The following SULF2 variants were observed in gnomAD, a reference collection of about 807,000 sequenced individuals.
The protein encoded by SULF2 is extracellular sulfatase Sulf-2.
In SULF2, 52 loss-of-function variants were observed where a neutral mutation model predicts 107.7. The observed-to-expected ratio is 0.48, with a 90% CI of 0.39 to 0.61. The LOEUF (loss-of-function observed/expected upper bound fraction) is 0.61, where lower values mean the gene tolerates loss of function less well. Ranked by LOEUF, SULF2 falls within the 20% of genes least tolerant of loss-of-function variation. The pLI, the probability that SULF2 is intolerant of heterozygous loss-of-function variation, is 0.00. For missense variants in SULF2, 993 were observed against 1,177.3 expected, an observed-to-expected ratio of 0.84 and a Z score of 2.29; for synonymous variants, 460 against 464.3, an observed-to-expected ratio of 0.99 and a Z score of 0.12.
chr20:47,783,309 A>C (rs2122754969), intron 1 of SULF2, among the ~76,000 whole-genome samples: 1 of 152,382 alleles, frequency 6.6e-6, no homozygotes, highest in East Asian at 1.9e-4. Flanking sequence ...AGGTCAGATA[A>C]TGGCCAAAGC....
At chr20:47,684,887 G>A in intron 5 of SULF2, 1 of 270,208 alleles carries the variant, frequency 3.7e-6, no homozygotes, top group African/African-American at 2.2e-5. Context: ...AGTCTGTTTG[G>A]TGCTAGTGTT....
At position 47,666,519 on chromosome 20, in the gene SULF2, G is replaced by T; in HGVS notation, c.1577-31C>A. On this transcript the variant is annotated intron_variant, in intron 11 of 20. Transcript: ENST00000688720. This position sits in a 1 kb window ranked among gnomAD's most constrained non-coding sequence, Gnocchi z 5.4. ...GGCATTAGAGGAGTGGCAGAGTTAG[G>T]GAGGCAGGAAAGGCTGGCCAGGCTC... 1 of 1,580,816 alleles carries T rather than the reference G, an allele frequency of 6.3e-7. No homozygotes were observed. The highest frequency in any genetic ancestry group is 1.1e-5 in the South Asian group (1 of 89,826).
intron 11 of SULF2, among the ~76,000 whole-genome samples, chr20:47,669,000 T>C (rs1222734856): frequency 2.6e-5 from 4 of 152,184 alleles, no homozygotes; most frequent in African/African-American, 9.7e-5. Context: ...TAAATGTCCA[T>C]TGAGCGCCAT....
At chr20:47,742,809 C>T (rs993492690) in intron 2 of SULF2, among the ~76,000 whole-genome samples, 2 of 152,022 alleles carry the variant, frequency 1.3e-5, no homozygotes, top group East Asian at 1.9e-4. Context: ...CAGATGACGA[C>T]GTTGCCAGTG....
chr20:47,731,797 A>G (rs1373658507), intron 3 of SULF2, among the ~76,000 whole-genome samples: 2 of 152,236 alleles, frequency 1.3e-5, no homozygotes, highest in African/African-American at 2.4e-5. Flanking sequence ...CTGCTGGCGC[A>G]TATGATTTCC....
intron 3 of SULF2, among the ~76,000 whole-genome samples, chr20:47,705,069 G>A (rs1286535363): frequency 2.0e-5 from 3 of 152,194 alleles, no homozygotes; most frequent in East Asian, 1.9e-4. Context: ...GAACCCAAGC[G>A]GCTGGATTCT....
At chr20:47,707,389 ACT>A in intron 3 of SULF2, among the ~76,000 whole-genome samples, 1 of 151,936 alleles carries the variant, frequency 6.6e-6, no homozygotes, top group South Asian at 2.1e-4. Context: ...TACACCAGAC[ACT>A]CTCTTCAGGG....
intron 1 of SULF2, among the ~76,000 whole-genome samples, chr20:47,775,252 GCACTCTTAGAAGT>G: frequency 6.6e-6 from 1 of 152,266 alleles, no homozygotes; most frequent in South Asian, 2.1e-4. Flanking sequence ...TTTCATTTTT[GCACTCTTAGAAGT>G]CAGGCTACCC....
intron 3 of SULF2, among the ~76,000 whole-genome samples, chr20:47,728,802 C>T (rs934682224): frequency 5.3e-5 from 8 of 152,172 alleles, no homozygotes; most frequent in African/African-American, 1.9e-4. Context: ...TGCGCCACCA[C>T]ATCCAGCTAA....
intron 1 of SULF2, among the ~76,000 whole-genome samples, chr20:47,783,352 A>G (rs990174144): frequency 1.3e-5 from 2 of 152,198 alleles, no homozygotes; most frequent in African/African-American, 2.4e-5. Flanking sequence ...TGCCTGGTTA[A>G]CCCAGCTGCC....
chr20:47,733,726 C>G (rs969628878), intron 3 of SULF2, among the ~76,000 whole-genome samples: 13 of 152,278 alleles, frequency 8.5e-5, no homozygotes, highest in African/African-American at 3.1e-4. Flanking sequence ...TGAGCTGAGA[C>G]TGTGCCACTG....
intron 3 of SULF2, among the ~76,000 whole-genome samples, chr20:47,716,095 T>C (rs1485129643): frequency 2.0e-5 from 3 of 152,220 alleles, no homozygotes; most frequent in African/African-American, 7.2e-5. Flanking sequence ...ACAGCAGTGC[T>C]TTTCAATATG....
intron 10 of SULF2, 54 bp from the exon 11 acceptor site, chr20:47,672,447 C>G: frequency 6.7e-7 from 1 of 1,502,394 alleles, no homozygotes; most frequent in South Asian, 1.3e-5. Flanking sequence ...CCTAAACCCG[C>G]CTCTCCCCTG....
At chr20:47,744,293 C>T (rs1174010998) in intron 2 of SULF2, among the ~76,000 whole-genome samples, 1 of 152,194 alleles carries the variant, frequency 6.6e-6, no homozygotes, top group African/African-American at 2.4e-5. Flanking sequence ...AGCGATTCTC[C>T]TGCCTCAGCC....
intron 5 of SULF2, among the ~76,000 whole-genome samples, chr20:47,687,289 G>A (rs901669400): frequency 2.0e-5 from 3 of 152,176 alleles, no homozygotes; most frequent in Admixed American, 2.0e-4. Flanking sequence ...CTGGTTGCCT[G>A]TGTCAAGCCA....
intron 10 of SULF2, 110 bp downstream of exon 10, chr20:47,676,384 C>A: frequency 1.6e-6 from 2 of 1,254,550 alleles, no homozygotes; most frequent in South Asian, 1.5e-5. Flanking sequence ...CAAAGGACTA[C>A]CCGTTGGGAG....
At chr20:47,708,448 C>T (rs2088819339) in intron 3 of SULF2, among the ~76,000 whole-genome samples, 1 of 152,292 alleles carries the variant, frequency 6.6e-6, no homozygotes, top group East Asian at 1.9e-4. Context: ...TGAGGAGTGG[C>T]AGGGTTCGTA....
chr20:47,712,693 C>T (rs529406573), intron 3 of SULF2, among the ~76,000 whole-genome samples: 4 of 152,296 alleles, frequency 2.6e-5, no homozygotes, highest in South Asian at 4.1e-4. Context: ...AAGCGTCACA[C>T]CCCTCGCCCA....
At chr20:47,700,558 C>CA (rs1205561620) in intron 4 of SULF2, among the ~76,000 whole-genome samples, 1 of 149,820 alleles carries the variant, frequency 6.7e-6, no homozygotes, top group Non-Finnish European at 1.5e-5. Context: ...GCAGCCCTGA[C>CA]AAAAAAGACA....
Sources: allele counts gnomAD v4.1 joint callset (sites outside exome capture counted in the v4.1 genomes callset), GRCh38; gene constraint gnomAD v4.1.1; non-coding constraint Gnocchi (gnomAD v3.1); transcripts MANE v1.5; gene names NCBI Gene and HGNC (gene_info 2026-07-23, HGNC 2026-07-21).